EEF2K: variants seen among roughly 807,000 people sequenced by gnomAD.
EEF2K encodes the protein alternative protein EEF2K.
In EEF2K, 70 loss-of-function variants were observed where a neutral mutation model predicts 93.8. The observed-to-expected ratio is 0.75, with a 90% CI of 0.62 to 0.91. The LOEUF is 0.91. EEF2K is among the 40% of genes least tolerant of loss of function. The pLI is 0.00. For missense variants in EEF2K, 935 were observed against 972.9 expected (o/e 0.96, Z 0.52); for synonymous variants, 376 against 380.8 (o/e 0.99, Z 0.15).
chr16:22,241,372 A>G (rs1409486846), intron 2 of EEF2K, among the ~76,000 whole-genome samples: 1 of 152,054 alleles, frequency 6.6e-6, no homozygotes, highest in African/African-American at 2.4e-5. Context: ...TAGGCCGGGC[A>G]AGGTGGCCAC....
intron 2 of EEF2K, among the ~76,000 whole-genome samples, chr16:22,244,257 T>C (rs2047259527): frequency 7.0e-6 from 1 of 143,302 alleles, no homozygotes; most frequent in African/African-American, 2.8e-5. Context: ...ATATTCTGTT[T>C]CTATATATGT....
chr16:22,247,104 A>G (rs1006712681), intron 3 of EEF2K, among the ~76,000 whole-genome samples: 1 of 150,868 alleles, frequency 6.6e-6, no homozygotes, highest in African/African-American at 2.4e-5. Flanking sequence ...CCAGTCATAG[A>G]AACTAGAACC....
Position 22,225,748 on chromosome 16 carries a change from A to G in EEF2K, c.19A>G (p.Ile7Val), listed in dbSNP as rs191219230. The G allele has an allele frequency of 3.1e-6, 5 of 1,614,168 alleles. No homozygotes were observed. Among genetic ancestry groups the G allele is most frequent in the Non-Finnish European group, 3.4e-6 (4 of 1,180,014 alleles). Residue 7 changes from isoleucine to valine, a missense_variant, in exon 2 of 18, where the codon ATC (isoleucine) becomes GTC (valine). Ile to Val is a conservative substitution (Grantham distance 29). Coordinates refer to ENST00000263026, the MANE Select transcript of EEF2K (RefSeq NM_013302.5). ...CAGGAACATGGCAGACGAAGATCTC[A>G]TCTTCCGCCTGGAAGGCGTTGATGG... is the stretch of plus-strand genomic sequence containing the variant. The part of the protein sequence containing the change: MADEDL[I>V]FRLEGVDGGQ...
intron 1 of EEF2K, among the ~76,000 whole-genome samples, chr16:22,223,264 T>G (rs1370639587): frequency 7.0e-6 from 1 of 142,792 alleles, no homozygotes; most frequent in African/African-American, 2.6e-5. Context: ...TTTTTTCTGT[T>G]TTTTTTTTTT....
intron 1 of EEF2K, among the ~76,000 whole-genome samples, chr16:22,221,381 G>A (rs2047009915): frequency 6.6e-6 from 1 of 152,058 alleles, no homozygotes; most frequent in African/African-American, 2.4e-5. Flanking sequence ...GGCTGAGGCG[G>A]GAGGATCACC....
chr16:22,242,014 A>C (rs9930483), intron 2 of EEF2K, among the ~76,000 whole-genome samples: 3,707 of 152,114 alleles, frequency 0.024, 154 homozygotes, highest in African/African-American at 0.083. Flanking sequence ...ATGGTGACAC[A>C]CAAGTGTAGT....
At chr16:22,239,169 AAAG>A (rs1292557662) in intron 2 of EEF2K, among the ~76,000 whole-genome samples, 2 of 151,972 alleles carry the variant, frequency 1.3e-5, no homozygotes, top group Non-Finnish European at 2.9e-5. Flanking sequence ...GGTTTGGAAA[AAAG>A]GTAATTTTTA....
chr16:22,280,663 CT>C (rs11289061), intron 17 of EEF2K, among the ~76,000 whole-genome samples: 8,545 of 130,054 alleles, frequency 0.066, 463 homozygotes, highest in African/African-American at 0.23. Context: ...TCCTTTCTTT[CT>C]TTTTTTTTTT....
chr16:22,248,972 ATTT>A (rs201664759), intron 4 of EEF2K, among the ~76,000 whole-genome samples, 157 bp downstream of exon 4: 34 of 126,492 alleles, frequency 2.7e-4, no homozygotes, highest in Non-Finnish European at 4.5e-4. Context: ...TGTAGCCAGC[ATTT>A]TTTTTTTTTT....
intron 16 of EEF2K, among the ~76,000 whole-genome samples, chr16:22,278,792 G>A (rs1029036372): frequency 5.9e-5 from 9 of 152,236 alleles, no homozygotes; most frequent in East Asian, 1.9e-4. Flanking sequence ...TCTGTGGTGC[G>A]TGGGTTTGGC....
Position 22,280,279 on chromosome 16 carries a change from C to A in EEF2K, c.1971C>A (p.Asp657Glu). The change falls in exon 17 of 18, where the codon GAC becomes GAA. Residue 657 changes from aspartate to glutamate, a missense_variant. Transcript: ENST00000263026. ...ACTGTGATGAGGGCGGTGAGTACGACGGAATGCAGGACGAGCCCCGGTACA... is the reference window on the plus strand; with the variant it reads ...ACTGTGATGAGGGCGGTGAGTACGAAGGAATGCAGGACGAGCCCCGGTACA... The part of the protein sequence containing the change: ...MTDCDEGGEY[D>E]GMQDEPRYMM... 1 of 1,608,946 alleles carries A rather than the reference C, an allele frequency of 6.2e-7. No individual in the cohort carries two copies. Among genetic ancestry groups the A allele is most frequent in the Non-Finnish European group, 8.5e-7 (1 of 1,177,732 alleles).
chr16:22,210,297 C>T (rs1347546737), intron 1 of EEF2K, among the ~76,000 whole-genome samples: 2 of 152,154 alleles, frequency 1.3e-5, no homozygotes, highest in Non-Finnish European at 2.9e-5. Context: ...GACTAGCAAG[C>T]CAGAGGAAGC....
intron 1 of EEF2K, among the ~76,000 whole-genome samples, chr16:22,210,276 GC>G (rs1216024571): frequency 6.6e-6 from 1 of 152,180 alleles, no homozygotes; most frequent in African/African-American, 2.4e-5. Flanking sequence ...AAGCTTTCGA[GC>G]TCTAGCAAGG....
chr16:22,280,070 G>A (rs1358428498), intron 16 of EEF2K, 128 bp from the exon 17 acceptor site: 1 of 852,154 alleles, frequency 1.2e-6, no homozygotes, highest in Non-Finnish European at 1.7e-6. Flanking sequence ...CCTTGGACAA[G>A]ATAGGTCGTG....
intron 11 of EEF2K, 99 bp downstream of exon 11, chr16:22,260,628 C>A (rs2047453745): frequency 1.4e-6 from 2 of 1,458,476 alleles, no homozygotes; most frequent in South Asian, 1.2e-5. Context: ...GGTGGGCAGC[C>A]TAGCCCAGGC....
At chr16:22,281,311 C>T (rs2047691037) in intron 17 of EEF2K, among the ~76,000 whole-genome samples, 1 of 152,090 alleles carries the variant, frequency 6.6e-6, no homozygotes, top group Non-Finnish European at 1.5e-5. Context: ...ACAATCATAG[C>T]TCACTCCAGC....
chr16:22,258,802 G>C, intron 10 of EEF2K, 107 bp downstream of exon 10: 1 of 1,453,970 alleles, frequency 6.9e-7, no homozygotes, highest in Non-Finnish European at 9.4e-7. Context: ...TAATCGAAAA[G>C]GTTCATGGCC....
intron 13 of EEF2K, 200 bp downstream of exon 13, chr16:22,265,080 G>A (rs1312190076): frequency 1.7e-6 from 1 of 574,246 alleles, no homozygotes; most frequent in East Asian, 3.1e-5. Context: ...TTGTGGGGAG[G>A]ATTAGAGAAG....
intron 2 of EEF2K, among the ~76,000 whole-genome samples, chr16:22,243,108 G>C (rs2047241684): frequency 6.6e-6 from 1 of 151,974 alleles, no homozygotes; most frequent in Non-Finnish European, 1.5e-5. Flanking sequence ...CTTTGGCATG[G>C]TTCTAGCTCT....
Sources: allele counts gnomAD v4.1 joint callset (sites outside exome capture counted in the v4.1 genomes callset), GRCh38; gene constraint gnomAD v4.1.1; transcripts MANE v1.5; gene names NCBI Gene and HGNC (gene_info 2026-07-23, HGNC 2026-07-21).